The following SYTL3 variants were observed in gnomAD, a reference collection of about 807,000 sequenced individuals.
The protein encoded by SYTL3 is synaptotagmin like 3, also known as synaptotagmin-like protein 3.
Under a neutral mutation model 82.1 loss-of-function variants are expected in SYTL3, and 88 were observed. The ratio of observed to expected loss-of-function variants is 1.07; its 90% confidence interval spans 0.90 to 1.28. SYTL3 has a LOEUF of 1.28. Among genes scored for constraint, SYTL3 ranks in the 50% most tolerant of loss-of-function variants. The pLI is 0.00. For missense variants in SYTL3, 831 were observed against 757.6 expected, an observed-to-expected ratio of 1.10 and a Z score of -1.14; for synonymous variants, 311 against 289.4, an observed-to-expected ratio of 1.07 and a Z score of -0.76.
intron 6 of SYTL3, among the ~76,000 whole-genome samples, chr6:158,686,566 G>A (rs1031574503): frequency 3.3e-5 from 5 of 152,176 alleles, no homozygotes; most frequent in Admixed American, 2.0e-4. Context: ...GGTGACAGAG[G>A]TTTAGGTGGA....
rs148049689 is a variant in SYTL3, at chr6:158,734,530, G to A, written c.855+8893G>A. On this transcript the variant is annotated intron_variant, in intron 11 of 17. Coordinates refer to ENST00000611299, the MANE Select transcript of SYTL3 (RefSeq NM_001242394.2). The stretch of plus-strand genomic sequence containing the variant: ...CCACTGACTGGTGCTGGGACCCCCA[G>A]ACACATCCCACCTCCAGGCATTTCT... Among the ~76,000 whole-genome samples, 68 of 152,170 alleles carry A rather than the reference G, an allele frequency of 4.5e-4. 1 individual carries two copies. The East Asian group carries it at 0.011, about 25-fold the overall frequency.
intron 13 of SYTL3, among the ~76,000 whole-genome samples, chr6:158,756,239 C>T (rs1019656049): frequency 3.9e-5 from 6 of 152,170 alleles, no homozygotes; most frequent in African/African-American, 9.7e-5. Flanking sequence ...TGGGTTCCCT[C>T]GTCACTCTTG....
chr6:158,666,115 C>T (rs1317317551), intron 5 of SYTL3, among the ~76,000 whole-genome samples: 9 of 152,114 alleles, frequency 5.9e-5, no homozygotes, highest in Non-Finnish European at 1.0e-4. Context: ...TTTGTTAAGT[C>T]GAAGGATGGG....
At chr6:158,708,706 C>T (rs939522482) in intron 8 of SYTL3, among the ~76,000 whole-genome samples, 2 of 151,748 alleles carry the variant, frequency 1.3e-5, no homozygotes, top group Admixed American at 6.6e-5. Flanking sequence ...TGTAGAGTCT[C>T]TGGGGTCTAA....
chr6:158,734,169 G>T (rs1344827733), intron 11 of SYTL3, among the ~76,000 whole-genome samples: 1 of 145,026 alleles, frequency 6.9e-6, no homozygotes, highest in Non-Finnish European at 1.5e-5. Flanking sequence ...AAACCTTTTT[G>T]TCTAAATGCT....
At chr6:158,714,323 G>T (rs1269121789) in intron 9 of SYTL3, among the ~76,000 whole-genome samples, 3 of 151,396 alleles carry the variant, frequency 2.0e-5, no homozygotes, top group African/African-American at 2.4e-5. Context: ...CTGGACTCCA[G>T]CCTGAGCAAC....
rs544423287 is a variant in SYTL3 at position 158,721,665 on chromosome 6, T to G, written c.720+3454T>G. 2.7e-5 allele frequency among the ~76,000 whole-genome samples: 4 copies of G among 150,888 alleles called. No homozygotes were observed. In the East Asian group the frequency reaches 8.0e-4, roughly 30 times the overall value. On this transcript the variant is annotated intron_variant, in intron 10 of 17. Coordinates refer to ENST00000611299, the MANE Select transcript of SYTL3 (RefSeq NM_001242394.2). ...TATTTATTTTTGAGACAGAGTCTCA[T>G]TCTGTTGCCCAGGCTGGAGTACGAT... is the stretch of plus-strand genomic sequence containing the variant.
chr6:158,698,899 T>A (rs1268468216), intron 6 of SYTL3, among the ~76,000 whole-genome samples: 1 of 152,212 alleles, frequency 6.6e-6, no homozygotes, highest in African/African-American at 2.4e-5. Flanking sequence ...TTTTCTTTGG[T>A]GGCACTTGGA....
chr6:158,660,124 G>A lies in SYTL3; in HGVS notation c.-636-1145G>A, dbSNP rs1157859817. On this transcript the variant is annotated intron_variant, in intron 2 of 17. Transcript: ENST00000611299. ...TACTAAAAATACAAAAATTAGCCGG[G>A]CGTGGTGGCGGGCACCTGTAATCCC... Among the ~76,000 whole-genome samples, 5 of 152,100 alleles carry A rather than the reference G, an allele frequency of 3.3e-5. 1 individual carries two copies. The highest frequency in any genetic ancestry group is 7.4e-5 in the Non-Finnish European group (5 of 68,024).
At chr6:158,733,114 T>G (rs1261151176) in intron 11 of SYTL3, among the ~76,000 whole-genome samples, 1 of 152,208 alleles carries the variant, frequency 6.6e-6, no homozygotes, top group African/African-American at 2.4e-5. Flanking sequence ...CTAATAACTC[T>G]TTGTTAAGCC....
Position 158,663,284 on chromosome 6 carries a change from G to C in SYTL3, c.16G>C (p.Asp6His). The change falls in exon 4 of 18, where the codon GAT becomes CAT. Residue 6 changes from aspartate (D) to histidine (H), a missense_variant. Coordinates refer to ENST00000611299, the MANE Select transcript of SYTL3 (RefSeq NM_001242394.2). MAQEI[D>H]LSALKELERE... Reference sequence around the variant, plus strand: ...CGGAGAAGAAATGGCCCAAGAAATAGATCTGAGTGCTCTCAAGGAGTTAGA... The same window carrying C: ...CGGAGAAGAAATGGCCCAAGAAATACATCTGAGTGCTCTCAAGGAGTTAGA... 1 of 1,614,160 alleles carries C rather than the reference G, an allele frequency of 6.2e-7. No homozygotes were observed. Among genetic ancestry groups the C allele is most frequent in the South Asian group, 1.1e-5 (1 of 91,080 alleles).
At chr6:158,713,728 G>A in intron 8 of SYTL3, 72 bp from the exon 9 acceptor site, 1 of 1,180,642 alleles carries the variant, frequency 8.5e-7, no homozygotes, top group Non-Finnish European at 1.2e-6. Flanking sequence ...GGGGTTGGCA[G>A]CCTGGACACT....
chr6:158,763,491 G>A lies in SYTL3; in HGVS notation c.1705G>A (p.Gly569Arg). The change falls in exon 17 of 18, where the codon GGA becomes AGA. Residue 569 changes from glycine to arginine, a missense_variant. Gly to Arg is a moderately radical substitution (Grantham distance 125). Coordinates refer to ENST00000611299, the MANE Select transcript of SYTL3 (RefSeq NM_001242394.2). ...TGGAATGAACGACCGCTTGCTTGGA[G>A]GAACCAGACTTGGTTCAAGTAAGTC... ...LFGMNDRLLGGTRLGSKGDTA... is the reference protein window; with the variant it reads ...LFGMNDRLLGRTRLGSKGDTA... The A allele has an allele frequency of 3.1e-6, 5 of 1,614,132 alleles. No homozygotes were observed. The highest frequency in any genetic ancestry group is 3.4e-6 in the Non-Finnish European group (4 of 1,180,002).
In SYTL3 at chr6:158,663,210, G is replaced by GT; in HGVS notation, c.-59_-58insT. The GT allele has an allele frequency of 2.6e-6, 4 of 1,520,834 alleles. No individual in the cohort carries two copies. Among genetic ancestry groups the GT allele is most frequent in the Middle Eastern group, 1.7e-4 (1 of 5,808 alleles). The allele number at this position is 1,520,834 out of a possible 1,614,324, so 94.2% of individuals were successfully genotyped here. A position where few individuals can be genotyped will look rare whatever the true frequency, so the allele number is the denominator to read the frequency against. On this transcript the variant is annotated 5_prime_UTR_variant, in exon 4 of 18. Coordinates refer to ENST00000611299, the MANE Select transcript of SYTL3 (RefSeq NM_001242394.2). ...CCTCCGCCGCTCATCTGCAGGGCGTGAGCGCTTGGTCCATGCAGTGAAGCT... is the reference window on the plus strand; with the variant it reads ...CCTCCGCCGCTCATCTGCAGGGCGTGTAGCGCTTGGTCCATGCAGTGAAGCT...
At chr6:158,717,341 C>T (rs991722923) in intron 9 of SYTL3, among the ~76,000 whole-genome samples, 7 of 151,370 alleles carry the variant, frequency 4.6e-5, no homozygotes, top group Non-Finnish European at 8.8e-5. Context: ...AATATGGCTA[C>T]TATAAAATTT....
chr6:158,736,286 G>A (rs1409187659), intron 11 of SYTL3, among the ~76,000 whole-genome samples: 1 of 152,092 alleles, frequency 6.6e-6, no homozygotes, highest in Non-Finnish European at 1.5e-5. Flanking sequence ...GGGAGGCAGA[G>A]TTTGCAGTGA....
At position 158,707,025 on chromosome 6, in the gene SYTL3, C is replaced by T. The variant is rs41267053; in HGVS notation, c.395-205C>T. ...AAATGTGTCTTTTCAGTCTACAATG[C>T]AATGATTTTGAGTAAATTTACAAAG... On this transcript the variant is annotated intron_variant, in intron 6 of 17. Coordinates refer to ENST00000611299, the MANE Select transcript of SYTL3 (RefSeq NM_001242394.2). 3.6e-3 allele frequency among the ~76,000 whole-genome samples: 546 copies of T among 152,274 alleles called. 1 individual carries two copies. Among genetic ancestry groups the T allele is most frequent in the South Asian group, 4.6e-3 (22 of 4,826 alleles).
At position 158,764,550 on chromosome 6, in the gene SYTL3, G is replaced by C; in HGVS notation, c.1779G>C (p.Gln593His). 3 of 1,614,144 alleles carry C rather than the reference G, an allele frequency of 1.9e-6. No individual in the cohort carries two copies. Among genetic ancestry groups the C allele is most frequent in the Non-Finnish European group, 2.5e-6 (3 of 1,180,020 alleles). ...DACSLSKLQW[Q>H]KVLSSPNLWT... ...GCTCACTATCGAAGCTCCAGTGGCA[G>C]AAAGTCCTTTCCAGCCCCAATCTAT... The change falls in exon 18 of 18, where the codon CAG becomes CAC. Residue 593 changes from glutamine (Q) to histidine (H), a missense_variant. Gln to His is a conservative substitution (Grantham distance 24). Coordinates refer to ENST00000611299, the MANE Select transcript of SYTL3 (RefSeq NM_001242394.2).
intron 2 of SYTL3, among the ~76,000 whole-genome samples, chr6:158,660,818 G>T (rs1789296094): frequency 6.6e-6 from 1 of 152,182 alleles, no homozygotes; most frequent in Non-Finnish European, 1.5e-5. Flanking sequence ...TGTAAACCTA[G>T]CACTTTGGGA....
Sources: gnomAD v4.1 joint callset for allele counts (sites outside exome capture counted in the v4.1 genomes callset) on GRCh38, gnomAD v4.1.1 for gene constraint, MANE v1.5 for transcripts, NCBI Gene and HGNC (gene_info 2026-07-23, HGNC 2026-07-21) for gene names.